ZNF385B: variants seen among roughly 807,000 people sequenced by gnomAD.
The protein encoded by ZNF385B is zinc finger protein 533.
Under a neutral mutation model 39.2 loss-of-function variants are expected in ZNF385B, and 23 were observed. The ratio of observed to expected loss-of-function variants is 0.59; its 90% CI spans 0.42 to 0.83. The LOEUF (loss-of-function observed/expected upper bound fraction) is 0.83. ZNF385B is among the 40% of genes least tolerant of loss of function. The pLI is 0.00. For synonymous variants in ZNF385B, 205 were observed against 222.6 expected, an observed-to-expected ratio of 0.92 and a Z score of 0.70; for missense variants, 552 against 598.9, an observed-to-expected ratio of 0.92 and a Z score of 0.82.
At chr2:179,725,928 ATATATG>A (rs1192494639) in intron 3 of ZNF385B, among the ~76,000 whole-genome samples, 1,775 of 142,736 alleles carry the variant, frequency 0.012, 42 homozygotes, top group African/African-American at 0.046. Flanking sequence ...ATATATATAT[ATATATG>A]TGTATATACA....
chr2:179,546,378 T>A (rs975605103), intron 3 of ZNF385B, among the ~76,000 whole-genome samples: 12 of 152,128 alleles, frequency 7.9e-5, no homozygotes, highest in African/African-American at 2.9e-4. Context: ...CTCACTCCCC[T>A]GCCCTCTTCC....
intron 3 of ZNF385B, among the ~76,000 whole-genome samples, chr2:179,700,054 GA>G (rs1387153235): frequency 4.3e-5 from 2 of 46,082 alleles, no homozygotes; most frequent in Non-Finnish European, 1.2e-4. Context: ...TACACAAACA[GA>G]AAAACACACA....
intron 3 of ZNF385B, among the ~76,000 whole-genome samples, chr2:179,697,862 TA>T (rs1248218562): frequency 6.6e-6 from 1 of 152,046 alleles, no homozygotes; most frequent in South Asian, 2.1e-4. Flanking sequence ...TATGCAGCCA[TA>T]AAAAAGGATG....
intron 1 of ZNF385B, chr2:179,814,713 C>A: frequency 4.3e-6 from 1 of 232,444 alleles, no homozygotes; most frequent in Non-Finnish European, 8.8e-6. Context: ...TTGTGGAGGC[C>A]TTTTCATGTA....
chr2:179,581,994 A>T (rs1273819593), intron 3 of ZNF385B, among the ~76,000 whole-genome samples: 2 of 152,164 alleles, frequency 1.3e-5, no homozygotes, highest in Non-Finnish European at 2.9e-5. Flanking sequence ...TTGTTATAGT[A>T]AACTATCCTG....
chr2:179,817,781 A>G (rs1707157386), intron 1 of ZNF385B, among the ~76,000 whole-genome samples: 2 of 151,854 alleles, frequency 1.3e-5, no homozygotes, highest in African/African-American at 4.8e-5. Context: ...GAGCATGTGC[A>G]TGTGTGTCTG....
At chr2:179,561,323 C>T (rs532462320) in intron 3 of ZNF385B, among the ~76,000 whole-genome samples, 1 of 152,180 alleles carries the variant, frequency 6.6e-6, no homozygotes, top group East Asian at 1.9e-4. Flanking sequence ...TATGTAATAA[C>T]TAAACTGAGC....
chr2:179,777,265 G>A (rs1704379800), intron 1 of ZNF385B, among the ~76,000 whole-genome samples: 1 of 152,042 alleles, frequency 6.6e-6, no homozygotes, highest in Admixed American at 6.6e-5. Flanking sequence ...AACTAGAATT[G>A]AAAGTACTAA....
intron 5 of ZNF385B, 118 bp from the exon 6 acceptor site, chr2:179,483,552 CCTGA>C (rs1341157779): frequency 4.4e-6 from 6 of 1,355,776 alleles, no homozygotes; most frequent in African/African-American, 1.4e-5. Context: ...CAACTCAGTA[CCTGA>C]CTATGTTTTT....
chr2:179,663,676 T>G lies in ZNF385B; in HGVS notation c.298+105827A>C, dbSNP rs555886497. On this transcript the variant is annotated intron_variant, in intron 3 of 9. Transcript: ENST00000410066. ...AGTGAGCCGAGATCGCGCCGCTGCA[T>G]TCCATCCAGCCTGGGCGACAGAGCG... is the stretch of plus-strand genomic sequence containing the variant. Among the ~76,000 whole-genome samples the G allele has an allele frequency of 1.1e-4, 15 of 133,870 alleles. No homozygotes were observed. In the East Asian group the frequency reaches 3.2e-3, roughly 29 times the overall value. The allele number at this position is 133,870 out of a possible 152,430, so 87.8% of individuals were successfully genotyped here.
At chr2:179,682,955 C>T (rs1474099094) in intron 3 of ZNF385B, among the ~76,000 whole-genome samples, 1 of 152,106 alleles carries the variant, frequency 6.6e-6, no homozygotes, top group Non-Finnish European at 1.5e-5. Flanking sequence ...TTCCTTCTCT[C>T]TCAGTTTCTC....
At chr2:179,450,722 C>T (rs1245555508) in intron 6 of ZNF385B, among the ~76,000 whole-genome samples, 1 of 152,038 alleles carries the variant, frequency 6.6e-6, no homozygotes, top group African/African-American at 2.4e-5. Context: ...ACTAGAAATA[C>T]CATTTGACCC....
chr2:179,563,064 C>G lies in ZNF385B; in HGVS notation c.299-18095G>C, dbSNP rs117211498. ...TAAAGATTCATATAGTTCAAAAAGA[C>G]TAGGGCAGATGTCAATTTGATGTTG... On this transcript the variant is annotated intron_variant, in intron 3 of 9. Coordinates refer to ENST00000410066, the MANE Select transcript of ZNF385B (RefSeq NM_152520.6). Among the ~76,000 whole-genome samples the G allele has an allele frequency of 4.7e-4, 71 of 152,242 alleles. 2 individuals are homozygous for G. In the East Asian group the frequency reaches 0.014, roughly 29 times the overall value.
intron 3 of ZNF385B, among the ~76,000 whole-genome samples, chr2:179,693,873 A>G (rs1257668402): frequency 6.6e-6 from 1 of 152,196 alleles, no homozygotes; most frequent in Non-Finnish European, 1.5e-5. Flanking sequence ...ATACCAAAAG[A>G]CAGAAAAAGA....
chr2:179,732,093 G>A (rs1274581925), intron 3 of ZNF385B, among the ~76,000 whole-genome samples: 3 of 152,192 alleles, frequency 2.0e-5, no homozygotes, highest in Admixed American at 6.5e-5. Flanking sequence ...TATAGTCTCT[G>A]AACCTATTAA....
intron 1 of ZNF385B, among the ~76,000 whole-genome samples, chr2:179,836,630 T>G (rs552112738): frequency 3.4e-5 from 5 of 148,138 alleles, no homozygotes; most frequent in Non-Finnish European, 7.4e-5. Context: ...GCCATTCTCC[T>G]GCCTCAGCCT....
intron 5 of ZNF385B, among the ~76,000 whole-genome samples, chr2:179,486,402 T>C (rs1377371361): frequency 6.6e-6 from 1 of 152,190 alleles, no homozygotes; most frequent in African/African-American, 2.4e-5. Flanking sequence ...TATCCCTATT[T>C]AATTATATAC....
intron 5 of ZNF385B, among the ~76,000 whole-genome samples, chr2:179,495,141 A>C (rs1396102306): frequency 6.6e-6 from 1 of 152,064 alleles, no homozygotes; most frequent in African/African-American, 2.4e-5. Flanking sequence ...CACTGCCTTT[A>C]ATGGTGAGTC....
intron 3 of ZNF385B, among the ~76,000 whole-genome samples, chr2:179,676,080 G>C (rs957345818): frequency 6.6e-6 from 1 of 151,042 alleles, no homozygotes; most frequent in African/African-American, 2.4e-5. Context: ...GAGCCACTGC[G>C]CCTGGCCAAC....
Sources: gnomAD v4.1 joint callset for allele counts (sites outside exome capture counted in the v4.1 genomes callset) on GRCh38, gnomAD v4.1.1 for gene constraint, MANE v1.5 for transcripts, NCBI Gene and HGNC (gene_info 2026-07-23, HGNC 2026-07-21) for gene names.